PKD2: variants seen among roughly 807,000 people sequenced by gnomAD.
PKD2 encodes the protein polycystin-2.
A neutral mutation model predicts 105.9 loss-of-function variants in PKD2; 48 were observed. The ratio of observed to expected loss-of-function variants is 0.45; its 90% confidence interval spans 0.36 to 0.58. The LOEUF (loss-of-function observed/expected upper bound fraction) is 0.58, where lower values mean the gene tolerates loss of function less well. PKD2 is among the 20% of genes least tolerant of loss of function. The pLI, the probability that PKD2 is intolerant of heterozygous loss-of-function variation, is 0.00. For missense variants in PKD2, 1,078 were observed against 1,255.3 expected (o/e 0.86, Z 2.13); for synonymous variants, 464 against 481.1 (o/e 0.96, Z 0.46).
chr4:88,034,821 T>C (rs566339140), intron 2 of PKD2, among the ~76,000 whole-genome samples: 3 of 152,304 alleles, frequency 2.0e-5, no homozygotes, highest in Admixed American at 2.0e-4. Context: ...TCACGGGTAT[T>C]CAGAACTGTG....
intron 2 of PKD2, among the ~76,000 whole-genome samples, chr4:88,024,898 G>A (rs1289298752): frequency 6.6e-6 from 1 of 152,096 alleles, no homozygotes; most frequent in African/African-American, 2.4e-5. Context: ...ACTTTGGGAG[G>A]CCGAGGAGGG....
rs779208258 is a variant in PKD2 at position 88,036,295 on chromosome 4, T to C, written c.785T>C (p.Val262Ala). 4.3e-6 allele frequency: 7 copies of C among 1,614,082 alleles called. No individual in the cohort carries two copies. In the South Asian group the frequency reaches 6.6e-5, roughly 15 times the overall value. The change falls in exon 3 of 15, where the codon GTG becomes GCG. Residue 262 changes from valine (V) to alanine (A), a missense_variant. Around this residue, in one of 2 missense-constraint regions of PKD2, gnomAD observed 868 missense variants for 1,067.3 expected, o/e 0.81. Coordinates refer to ENST00000237596, the MANE Select transcript of PKD2 (RefSeq NM_000297.4). ...MMSQLFLDTPVSKTEKTNFKT... is the reference protein window; with the variant it reads ...MMSQLFLDTPASKTEKTNFKT... ...TCACAGCTCTTCCTAGACACCCCCG[T>C]GTCCAAAACGGAGAAAACTAACTTT... is the stretch of plus-strand genomic sequence containing the variant.
At position 88,047,354 on chromosome 4, in the gene PKD2, C is replaced by T. The variant is rs1727815946; in HGVS notation, c.1548+484C>T. On this transcript the variant is annotated intron_variant, in intron 6 of 14. Transcript: ENST00000237596. ...GGAGGATCACTTAAGCCCCAGAGTTCAAGCCCAGCCAGGGTAACATAGTGA... is the reference window on the plus strand; with the variant it reads ...GGAGGATCACTTAAGCCCCAGAGTTTAAGCCCAGCCAGGGTAACATAGTGA... Among the ~76,000 whole-genome samples, 3 of 151,030 alleles carry T rather than the reference C, an allele frequency of 2.0e-5. No individual in the cohort carries two copies. The South Asian group carries it at 6.3e-4, about 32-fold the overall frequency.
chr4:88,061,484 T>C (rs1720568463), intron 9 of PKD2, among the ~76,000 whole-genome samples: 2 of 152,110 alleles, frequency 1.3e-5, no homozygotes, highest in African/African-American at 4.8e-5. Context: ...ACGCTTGCAA[T>C]CCCAGCACTT....
Position 88,065,748 on chromosome 4 carries a change from C to T in PKD2, c.2241-14C>T, listed in dbSNP as rs763507546. ...AAGGAATGATTTTTATCTGTATCCT[C>T]TCTCTAATTTCAGGAAGGGCCATAC... is the stretch of plus-strand genomic sequence containing the variant. On this transcript the variant is annotated splice_polypyrimidine_tract_variant and intron_variant, in intron 11 of 14. Coordinates refer to ENST00000237596, the MANE Select transcript of PKD2 (RefSeq NM_000297.4). 6 of 1,550,388 alleles carry T rather than the reference C, an allele frequency of 3.9e-6. No homozygotes were observed. The highest frequency in any genetic ancestry group is 4.5e-6 in the Non-Finnish European group (5 of 1,121,906).
chr4:88,075,050 G>A, intron 14 of PKD2, 91 bp downstream of exon 14: 1 of 1,407,438 alleles, frequency 7.1e-7, no homozygotes, highest in African/African-American at 1.4e-5. Context: ...AAGTATTGAA[G>A]AAGAGTAAAA....
rs1721229018 is a variant in PKD2 at position 88,076,199 on chromosome 4, T to C, written c.*505T>C. 1 of 159,676 alleles carries C rather than the reference T, an allele frequency of 6.3e-6. No individual in the cohort carries two copies. Among genetic ancestry groups the C allele is most frequent in the African/African-American group, 2.4e-5 (1 of 41,462 alleles). 9.9% of individuals were successfully genotyped at this position (159,676 alleles called of 1,614,324 possible). On this transcript the variant is annotated 3_prime_UTR_variant, in exon 15 of 15. Transcript: ENST00000237596. ...TTCAACTAGCTTCCTGGGGTAAACT[T>C]TTCTAAAAGATAAAATGGAAAGGAA...
At chr4:88,037,522 A>G (rs149237175) in intron 3 of PKD2, among the ~76,000 whole-genome samples, 127 of 152,338 alleles carry the variant, frequency 8.3e-4, no homozygotes, top group African/African-American at 2.9e-3. Flanking sequence ...GATTTTAAGG[A>G]TAGAGACAAC....
Position 88,023,002 on chromosome 4 carries a change from A to C in PKD2, c.709+3431A>C, listed in dbSNP as rs11934991. Among the ~76,000 whole-genome samples the C allele has an allele frequency of 2.4e-3, 371 of 152,272 alleles. 3 individuals are homozygous for C. Among genetic ancestry groups the C allele is most frequent in the African/African-American group, 8.6e-3 (356 of 41,558 alleles). On this transcript the variant is annotated intron_variant, in intron 2 of 14. Coordinates refer to ENST00000237596, the MANE Select transcript of PKD2 (RefSeq NM_000297.4). ...AGGCTGAGGTGGGAAAATTGTTTGA[A>C]GCTGGGAGTCAGTGATTGCAGTGAG...
chr4:88,008,082 G>A lies in PKD2; in HGVS notation c.349G>A (p.Glu117Lys). 6.6e-7 allele frequency: 1 copy of A among 1,519,756 alleles called. No homozygotes were observed. The highest frequency in any genetic ancestry group is 8.8e-7 in the Non-Finnish European group (1 of 1,138,960). The allele number at this position is 1,519,756 out of a possible 1,614,324, so 94.1% of individuals were successfully genotyped here. A position where few individuals can be genotyped will look rare whatever the true frequency, so the allele number is the denominator to read the frequency against. Residue 117 changes from glutamate to lysine, a missense_variant, in exon 1 of 15, where the codon GAG becomes AAG. Coordinates refer to ENST00000237596, the MANE Select transcript of PKD2 (RefSeq NM_000297.4). ...EGGMVVEMDV[E>K]WRPGSRRSAA... ...CGGAATGGTGGTGGAGATGGACGTA[G>A]AGTGGCGCCCGGGCAGCCGGAGGTC...
chr4:88,014,674 A>G (rs1468075949), intron 1 of PKD2, among the ~76,000 whole-genome samples: 1 of 152,194 alleles, frequency 6.6e-6, no homozygotes, highest in Non-Finnish European at 1.5e-5. Flanking sequence ...ATCTTAGCAC[A>G]AAAAGAGGAT....
Position 88,075,494 on chromosome 4 carries a change from G to GAACA in PKD2, c.2708_2711dup (p.Met905ThrfsTer8). The GAACA allele has an allele frequency of 6.2e-7, 1 of 1,614,034 alleles. No homozygotes were observed. The highest frequency in any genetic ancestry group is 1.3e-5 in the African/African-American group (1 of 75,038). On this transcript the variant is annotated frameshift_variant, in exon 15 of 15. Coordinates refer to ENST00000237596, the MANE Select transcript of PKD2 (RefSeq NM_000297.4). LOFTEE classifies it high-confidence loss of function. The stretch of plus-strand genomic sequence containing the variant: ...GGGTCGTGACAGTGAAATCCATAGG[G>GAACA]AACAGATGGAACGGCTAGTACGTGA...
intron 5 of PKD2, among the ~76,000 whole-genome samples, chr4:88,044,703 C>T (rs931465887): frequency 2.6e-5 from 4 of 151,974 alleles, no homozygotes; most frequent in African/African-American, 9.7e-5. Flanking sequence ...TTTATTTTTC[C>T]CTTAGGGATG....
rs769289594 is a variant in PKD2 at position 88,007,707 on chromosome 4, C to G, written c.-27C>G. The G allele has an allele frequency of 1.0e-5, 12 of 1,178,202 alleles. No homozygotes were observed. The highest frequency in any genetic ancestry group is 5.0e-5 in the East Asian group (1 of 20,002). 73.0% of individuals were successfully genotyped at this position (1,178,202 alleles called of 1,614,324 possible). A position where few individuals can be genotyped will look rare whatever the true frequency, so the allele number is the denominator to read the frequency against. The stretch of plus-strand genomic sequence containing the variant: ...ACAGCGCCGAGCGCGGCGCCGCGCA[C>G]CCGCGCGCCGGACGCCAGTGACCGC... On this transcript the variant is annotated 5_prime_UTR_variant, in exon 1 of 15. Coordinates refer to ENST00000237596, the MANE Select transcript of PKD2 (RefSeq NM_000297.4).
intron 7 of PKD2, among the ~76,000 whole-genome samples, chr4:88,055,077 G>T (rs1331120868): frequency 1.3e-5 from 2 of 152,092 alleles, no homozygotes; most frequent in East Asian, 3.9e-4. Flanking sequence ...GGCTTTGCAG[G>T]GTTCACTGTC....
chr4:88,040,699 T>C (rs569911608), intron 4 of PKD2, among the ~76,000 whole-genome samples: 9 of 152,354 alleles, frequency 5.9e-5, no homozygotes, highest in Non-Finnish European at 1.3e-4. Flanking sequence ...CCCTTCATAC[T>C]GTCTGCAGAA....
At chr4:88,049,040 A>G (rs534164344) in intron 6 of PKD2, among the ~76,000 whole-genome samples, 3 of 152,332 alleles carry the variant, frequency 2.0e-5, no homozygotes, top group African/African-American at 7.2e-5. Context: ...ATGATATGCT[A>G]ATTAAGAACA....
rs948223789 is a variant in PKD2, at chr4:88,036,320, TA to T, written c.814del (p.Thr272LeufsTer45). 1 of 1,613,908 alleles carries T rather than the reference TA, an allele frequency of 6.2e-7. No individual in the cohort carries two copies. Among genetic ancestry groups the T allele is most frequent in the Non-Finnish European group, 8.5e-7 (1 of 1,179,898 alleles). On this transcript the variant is annotated frameshift_variant, in exon 3 of 15. Transcript: ENST00000237596. LOFTEE classifies it high-confidence loss of function. ...TGTCCAAAACGGAGAAAACTAACTT[TA>T]AAACTCTGTCTTCCATGGAAGACTT... Reference protein sequence around the residue: ...PVSKTEKTNFKTLSSMEDFWK... With the variant: ...PVSKTEKTNFXTLSSMEDFWK...
chr4:88,034,650 A>G (rs1478682342), intron 2 of PKD2, among the ~76,000 whole-genome samples: 1 of 149,572 alleles, frequency 6.7e-6, no homozygotes, highest in African/African-American at 2.5e-5. Flanking sequence ...ACTGGGCAAC[A>G]ACAGTGAAAC....
Sources: allele counts gnomAD v4.1 joint callset (sites outside exome capture counted in the v4.1 genomes callset), GRCh38; gene constraint gnomAD v4.1.1; regional missense constraint gnomAD v4.1.1; transcripts MANE v1.5; gene names NCBI Gene and HGNC (gene_info 2026-07-23, HGNC 2026-07-21).